MPV17: variants seen among roughly 807,000 people sequenced by gnomAD.
MPV17 encodes MPV17, mitochondrial inner membrane protein.
Under a neutral mutation model 28.6 loss-of-function variants are expected in MPV17, and 31 were observed. That is an observed-to-expected ratio of 1.08 (90% confidence interval 0.81 to 1.46). MPV17 has a LOEUF of 1.46. Among genes scored for constraint, MPV17 ranks in the 40% most tolerant of loss-of-function variants. MPV17 has a pLI of 0.00. For missense variants in MPV17, 198 were observed against 216.2 expected, an observed-to-expected ratio of 0.92 and a Z score of 0.53; for synonymous variants, 87 against 85.3, an observed-to-expected ratio of 1.02 and a Z score of -0.11.
At chr2:27,320,067 C>T (rs1476311131) in intron 2 of MPV17, among the ~76,000 whole-genome samples, 1 of 151,730 alleles carries the variant, frequency 6.6e-6, no homozygotes, top group Non-Finnish European at 1.5e-5. Context: ...GAAATCCCGT[C>T]TCTACTAAAA....
Position 27,311,923 on chromosome 2 carries a change from A to C in MPV17, c.437T>G (p.Phe146Cys). The change falls in exon 7 of 8, where the codon TTC (phenylalanine) becomes TGC (cysteine). Residue 146 changes from phenylalanine to cysteine, a missense_variant. Transcript: ENST00000380044. Reference protein sequence around the residue: ...YLWPAVQLANFYLVPLHYRLA... With the variant: ...YLWPAVQLANCYLVPLHYRLA... ...CCTGTAATGAAGGGGGACCAGGTAG[A>C]AGTTGGCTAACTGCACAGCAGGCCA... 6.2e-7 allele frequency: 1 copy of C among 1,613,874 alleles called. No homozygotes were observed. The highest frequency in any genetic ancestry group is 1.1e-5 in the South Asian group (1 of 90,938).
chr2:27,321,226 C>T (rs529154877), intron 2 of MPV17, among the ~76,000 whole-genome samples: 2 of 152,324 alleles, frequency 1.3e-5, no homozygotes, highest in Admixed American at 1.3e-4. Flanking sequence ...AAGGGCCCAG[C>T]GTGTCAGTTC....
intron 2 of MPV17, among the ~76,000 whole-genome samples, chr2:27,321,702 C>T (rs762839905): frequency 1.3e-5 from 2 of 152,184 alleles, no homozygotes; most frequent in Non-Finnish European, 2.9e-5. Context: ...ACTGCATTAC[C>T]TCTGTGAGGT....
chr2:27,312,001 A>G (rs1400402241), intron 6 of MPV17, 50 bp from the exon 7 acceptor site: 1 of 1,602,982 alleles, frequency 6.2e-7, no homozygotes. Flanking sequence ...ACCTGACCCC[A>G]GACTCACTGT....
At position 27,317,010 on chromosome 2, in the gene MPV17, T is replaced by C; in HGVS notation, c.71-3901A>G. The C allele has an allele frequency of 7.0e-7, 1 of 1,431,582 alleles. No homozygotes were observed. Among genetic ancestry groups the C allele is most frequent in the Admixed American group, 2.3e-5 (1 of 44,384 alleles). 88.7% of individuals were successfully genotyped at this position (1,431,582 alleles called of 1,614,324 possible). A position where few individuals can be genotyped will look rare whatever the true frequency, so the allele number is the denominator to read the frequency against. ...GCCCACTAGTGGAAAAGCCCCAACTTCCACACCCTCTTCCCGGGCATGGGC... is the reference window on the plus strand; with the variant it reads ...GCCCACTAGTGGAAAAGCCCCAACTCCCACACCCTCTTCCCGGGCATGGGC... On this transcript the variant is annotated intron_variant, in intron 2 of 7. Coordinates refer to ENST00000380044, the MANE Select transcript of MPV17 (RefSeq NM_002437.5). This position sits in a 1 kb window ranked among gnomAD's most constrained non-coding sequence, Gnocchi z 4.0.
intron 7 of MPV17, 187 bp downstream of exon 7, chr2:27,311,712 C>A: frequency 6.4e-7 from 1 of 1,551,502 alleles, no homozygotes; most frequent in Non-Finnish European, 8.7e-7. Context: ...GGCAGACACT[C>A]TGGGACAGTT....
chr2:27,321,447 T>C (rs953207057), intron 2 of MPV17, among the ~76,000 whole-genome samples: 2 of 152,240 alleles, frequency 1.3e-5, no homozygotes, highest in African/African-American at 4.8e-5. Context: ...GGATCCCTGT[T>C]CCACTCTGGC....
rs189260225 is a variant in MPV17, at chr2:27,315,779, C to T, written c.71-2670G>A. The T allele has an allele frequency of 1.5e-4, 78 of 527,316 alleles. No individual in the cohort carries two copies. In the African/African-American group the frequency reaches 1.5e-3, roughly 10 times the overall value. 32.7% of individuals were successfully genotyped at this position (527,316 alleles called of 1,614,324 possible). ...GTTTCACCATGTTAGCCAGGCTGGT[C>T]TCAAACTCCTGACCCCAGGTGATCC... On this transcript the variant is annotated intron_variant, in intron 2 of 7. Coordinates refer to ENST00000380044, the MANE Select transcript of MPV17 (RefSeq NM_002437.5).
At chr2:27,312,185 G>C in intron 6 of MPV17, 29 bp downstream of exon 6, 2 of 1,611,142 alleles carry the variant, frequency 1.2e-6, no homozygotes, top group African/African-American at 1.3e-5. Context: ...GGAAGCAGGA[G>C]AACAAGCAGT....
intron 2 of MPV17, among the ~76,000 whole-genome samples, chr2:27,314,507 C>T (rs1159892534): frequency 6.6e-6 from 1 of 152,094 alleles, no homozygotes; most frequent in Admixed American, 6.6e-5. Context: ...GTGGTCATTT[C>T]CCTTCCAGGA....
chr2:27,321,197 G>A lies in MPV17; in HGVS notation c.70+1251C>T, dbSNP rs76875001. Among the ~76,000 whole-genome samples the A allele has an allele frequency of 1.3e-4, 20 of 152,350 alleles. No homozygotes were observed. The East Asian group carries it at 3.9e-3, about 29-fold the overall frequency. ...TCCATCTGGCAGTTATGGGCCCTGAGGGAATCTGAGCCTGGGCAAAGGGCC... is the reference window on the plus strand; with the variant it reads ...TCCATCTGGCAGTTATGGGCCCTGAAGGAATCTGAGCCTGGGCAAAGGGCC... On this transcript the variant is annotated intron_variant, in intron 2 of 7. Coordinates refer to ENST00000380044, the MANE Select transcript of MPV17 (RefSeq NM_002437.5).
chr2:27,313,769 G>A (rs982114502), intron 2 of MPV17, among the ~76,000 whole-genome samples: 3 of 152,142 alleles, frequency 2.0e-5, no homozygotes, highest in African/African-American at 7.2e-5. Context: ...CTAGAGTGCA[G>A]TGGCATGATC....
chr2:27,318,209 C>T (rs1314192611), intron 2 of MPV17, among the ~76,000 whole-genome samples: 1 of 141,944 alleles, frequency 7.0e-6, no homozygotes, highest in East Asian at 2.1e-4. Flanking sequence ...GCTGGGACTA[C>T]AGGCACCTGC....
At chr2:27,316,009 C>T in intron 2 of MPV17, 1 of 1,541,150 alleles carries the variant, frequency 6.5e-7, no homozygotes, top group Non-Finnish European at 8.8e-7. Context: ...AGGTCAGTGG[C>T]ACCAGGAGGC....
chr2:27,313,234 A>C, intron 2 of MPV17, 125 bp from the exon 3 acceptor site: 1 of 1,557,932 alleles, frequency 6.4e-7, no homozygotes, highest in South Asian at 1.2e-5. Context: ...TTCATTGTGG[A>C]AACAAATGAC....
At position 27,312,226 on chromosome 2, in the gene MPV17, G is replaced by A. The variant is rs775768004; in HGVS notation, c.396C>T (p.Ile132=). Residue 132 remains isoleucine (I), a synonymous_variant, in exon 6 of 8, where the codon ATC becomes ATT. Coordinates refer to ENST00000380044, the MANE Select transcript of MPV17 (RefSeq NM_002437.5). ...KLQRDYPDAL[I]TNYYLWPAVQ... ...TGTCAGCTCTTACATAGTAGTTGGT[G>A]ATAAGGGCATCAGGATAATCCTGGG... The A allele has an allele frequency of 4.3e-6, 7 of 1,614,120 alleles. No homozygotes were observed. In the South Asian group the frequency reaches 7.7e-5, roughly 18 times the overall value.
chr2:27,309,790 C>G lies in MPV17; in HGVS notation c.*122G>C. On this transcript the variant is annotated 3_prime_UTR_variant, in exon 8 of 8. Transcript: ENST00000380044. ...AGGGGCATTGCAGGGTGCTAGTCCTCTTAAGCTCTGACCGGCAACCCAACC... is the reference window on the plus strand; with the variant it reads ...AGGGGCATTGCAGGGTGCTAGTCCTGTTAAGCTCTGACCGGCAACCCAACC... 1.3e-6 allele frequency: 1 copy of G among 768,976 alleles called. No homozygotes were observed. The highest frequency in any genetic ancestry group is 2.0e-5 in the Admixed American group (1 of 50,534). The allele number at this position is 768,976 out of a possible 1,614,324, so 47.6% of individuals were successfully genotyped here.
In MPV17 at chr2:27,309,851, T is replaced by C. The variant is rs980282299; in HGVS notation, c.*61A>G. 3.4e-6 allele frequency: 5 copies of C among 1,450,790 alleles called. No homozygotes were observed. The highest frequency in any genetic ancestry group is 1.4e-5 in the African/African-American group (1 of 71,688). The allele number at this position is 1,450,790 out of a possible 1,614,324, so 89.9% of individuals were successfully genotyped here. A position where few individuals can be genotyped will look rare whatever the true frequency, so the allele number is the denominator to read the frequency against. On this transcript the variant is annotated 3_prime_UTR_variant, in exon 8 of 8. Coordinates refer to ENST00000380044, the MANE Select transcript of MPV17 (RefSeq NM_002437.5). ...TGGTATGCCCACTTTGAGGAGGTTG[T>C]CTGACCGTTCCAGGGTCAAGCTGCA...
chr2:27,313,107 A>G lies in MPV17; in HGVS notation c.73T>C (p.Ser25Pro), dbSNP rs1439382299. Residue 25 changes from serine (S) to proline (P), a missense_variant and splice_region_variant, in exon 3 of 8, where the codon TCC (serine) becomes CCC (proline). Ser to Pro is a moderately conservative substitution (Grantham distance 74, BLOSUM62 -1). Coordinates refer to ENST00000380044, the MANE Select transcript of MPV17 (RefSeq NM_002437.5). ...ATAATGTCACCCAGGCCCATCAGGG[A>G]CCCTATGCAGGGTACACAGGTGTTG... ...PWKVQVLTAG[S>P]LMGLGDIISQ... is the part of the protein sequence containing the mutation. The G allele has an allele frequency of 1.2e-6, 2 of 1,614,004 alleles. No individual in the cohort carries two copies. The highest frequency in any genetic ancestry group is 3.3e-5 in the Admixed American group (2 of 59,996).
Sources: gnomAD v4.1 joint callset for allele counts (sites outside exome capture counted in the v4.1 genomes callset) on GRCh38, gnomAD v4.1.1 for gene constraint, Gnocchi (gnomAD v3.1) non-coding constraint, MANE v1.5 for transcripts, NCBI Gene and HGNC (gene_info 2026-07-23, HGNC 2026-07-21) for gene names.